Variants in RBFOX1 observed in about 807,000 individuals in gnomAD.
RBFOX1 encodes RNA binding protein fox-1 homolog 1.
In RBFOX1, 8 loss-of-function variants were observed where a neutral mutation model predicts 57.7. That is an observed-to-expected ratio of 0.14 (90% CI 0.08 to 0.25). The LOEUF is 0.25. Ranked by LOEUF, RBFOX1 falls within the 10% of genes least tolerant of loss-of-function variation. RBFOX1 has a pLI of 1.00. For synonymous variants in RBFOX1, 326 were observed against 222.4 expected (o/e 1.47, Z -4.15); for missense variants, 611 against 548.5 (o/e 1.11, Z -1.14).
intron 3 of RBFOX1, among the ~76,000 whole-genome samples, chr16:6,901,427 G>A (rs1315885168): frequency 6.6e-6 from 1 of 152,098 alleles, no homozygotes; most frequent in Non-Finnish European, 1.5e-5. Flanking sequence ...CAATAACACA[G>A]AGTCCAAGAG....
chr16:7,157,190 T>C (rs1171697379), intron 4 of RBFOX1, among the ~76,000 whole-genome samples: 11 of 152,180 alleles, frequency 7.2e-5, no homozygotes, highest in Non-Finnish European at 1.5e-4. Context: ...GCCTTAGAAT[T>C]GCAGGCTGGA....
chr16:7,038,732 C>T (rs999276299), intron 3 of RBFOX1, among the ~76,000 whole-genome samples: 7 of 152,266 alleles, frequency 4.6e-5, no homozygotes, highest in Non-Finnish European at 8.8e-5. Context: ...CACGTGCTGC[C>T]TGGGGCTGCC....
At chr16:7,040,675 G>T (rs1340600122) in intron 3 of RBFOX1, among the ~76,000 whole-genome samples, 8 of 152,194 alleles carry the variant, frequency 5.3e-5, no homozygotes, top group Admixed American at 4.6e-4. Context: ...TTTTCTGTGT[G>T]TGTACCTTGT....
chr16:6,191,168 G>A (rs1324451168), intron 1 of RBFOX1, among the ~76,000 whole-genome samples: 2 of 145,286 alleles, frequency 1.4e-5, no homozygotes, highest in Non-Finnish European at 3.0e-5. Flanking sequence ...ACAGGCATGA[G>A]TTAAACTACA....
rs1265059053 is a variant in RBFOX1, at chr16:5,736,390, A to C, written c.319-130913A>C. On this transcript the variant is annotated intron_variant, in intron 3 of 19. Coordinates refer to the RBFOX1 transcript ENST00000641259. ...TTTCCTAAAAGTGCACCCGAGTAGC[A>C]CTGGGTGTGGGGTGATGGGAGGTGT... is the stretch of plus-strand genomic sequence containing the variant. Among the ~76,000 whole-genome samples the C allele has an allele frequency of 3.3e-5, 5 of 152,116 alleles. No individual in the cohort carries two copies. The East Asian group carries it at 7.8e-4, about 24-fold the overall frequency.
chr16:7,688,260 T>TGTGTGAGAGAGAGAGA (rs1319185243), intron 14 of RBFOX1, among the ~76,000 whole-genome samples: 10 of 125,292 alleles, frequency 8.0e-5, no homozygotes, highest in African/African-American at 2.4e-4. Context: ...TGTGTGTGTG[T>TGTGTGAGAGAGAGAGA]GAGAGAGAGA....
intron 3 of RBFOX1, among the ~76,000 whole-genome samples, chr16:5,619,009 G>T (rs1405921600): frequency 6.6e-6 from 1 of 152,130 alleles, no homozygotes. Flanking sequence ...GGGAGGCCAG[G>T]CTATTTAGGA....
intron 14 of RBFOX1, among the ~76,000 whole-genome samples, chr16:7,697,992 G>A (rs1286539291): frequency 2.0e-5 from 3 of 152,124 alleles, no homozygotes; most frequent in African/African-American, 7.2e-5. Flanking sequence ...GGGACAGAGG[G>A]AGCAGATGTC....
chr16:6,021,248 C>A (rs1398761649), intron 1 of RBFOX1, among the ~76,000 whole-genome samples: 2 of 152,074 alleles, frequency 1.3e-5, no homozygotes, highest in Admixed American at 1.3e-4. Flanking sequence ...AGAGGCCTGG[C>A]CTTGACAGCC....
At chr16:6,326,231 A>G (rs2082353995) in intron 2 of RBFOX1, among the ~76,000 whole-genome samples, 1 of 152,212 alleles carries the variant, frequency 6.6e-6, no homozygotes, top group Non-Finnish European at 1.5e-5. Flanking sequence ...TGATTCATTC[A>G]TAAATAGCTA....
intron 2 of RBFOX1, among the ~76,000 whole-genome samples, chr16:6,535,948 C>T (rs76585762): frequency 1.7e-4 from 26 of 152,318 alleles, no homozygotes; most frequent in Non-Finnish European, 2.6e-4. Flanking sequence ...AACTTTGACC[C>T]ACTAAGATGC....
chr16:6,375,414 A>G (rs1220140931), intron 2 of RBFOX1, among the ~76,000 whole-genome samples: 1 of 148,972 alleles, frequency 6.7e-6, no homozygotes, highest in Non-Finnish European at 1.5e-5. Context: ...GCTCTAGAGT[A>G]TTTTTTTTTT....
chr16:7,614,095 G>C (rs779408738), intron 10 of RBFOX1: 3 of 152,188 alleles, frequency 2.0e-5, no homozygotes, highest in Non-Finnish European at 4.4e-5. Context: ...AGGAGGACTA[G>C]ACTCGAATCA....
At chr16:5,542,228 A>G (rs1379895219) in intron 2 of RBFOX1, among the ~76,000 whole-genome samples, 1 of 150,220 alleles carries the variant, frequency 6.7e-6, no homozygotes, top group African/African-American at 2.5e-5. Flanking sequence ...ATTTCAATTT[A>G]ATAACACAGG....
chr16:6,932,222 G>A (rs1389700891), intron 3 of RBFOX1, among the ~76,000 whole-genome samples: 4 of 152,024 alleles, frequency 2.6e-5, no homozygotes, highest in Non-Finnish European at 4.4e-5. Flanking sequence ...CCCTGCCTCG[G>A]CCTCCCAAGT....
intron 4 of RBFOX1, among the ~76,000 whole-genome samples, chr16:7,129,917 C>A (rs1464532929): frequency 6.6e-6 from 1 of 151,934 alleles, no homozygotes; most frequent in African/African-American, 2.4e-5. Context: ...ATAAGTGGAA[C>A]CCTGCTTTGT....
intron 2 of RBFOX1, among the ~76,000 whole-genome samples, chr16:6,322,636 G>A (rs1297621903): frequency 1.3e-5 from 2 of 152,202 alleles, no homozygotes; most frequent in Non-Finnish European, 2.9e-5. Context: ...AGTGGAACAG[G>A]CAGGAGTGGA....
chr16:7,463,752 C>G (rs2059992278), intron 4 of RBFOX1, among the ~76,000 whole-genome samples: 1 of 152,126 alleles, frequency 6.6e-6, no homozygotes, highest in African/African-American at 2.4e-5. Flanking sequence ...CTACAATGAT[C>G]TCATCACAAT....
At chr16:5,857,758 C>A (rs932739970) in intron 3 of RBFOX1, among the ~76,000 whole-genome samples, 1 of 151,212 alleles carries the variant, frequency 6.6e-6, no homozygotes, top group East Asian at 2.0e-4. Context: ...CCTGTCTCTA[C>A]CAAGGAAAAA....
Sources: gnomAD v4.1 joint callset for allele counts (sites outside exome capture counted in the v4.1 genomes callset) on GRCh38, gnomAD v4.1.1 for gene constraint, MANE v1.5 for transcripts, NCBI Gene and HGNC (gene_info 2026-07-23, HGNC 2026-07-21) for gene names.